The following THOC2 variants were observed in gnomAD, a reference collection of about 807,000 sequenced individuals.
The protein encoded by THOC2 is THO complex subunit 2, also known as THO complex 2.
A neutral mutation model predicts 128.4 loss-of-function variants in THOC2; 10 were observed. The ratio of observed to expected loss-of-function variants is 0.08; its 90% CI spans 0.05 to 0.13. The LOEUF (loss-of-function observed/expected upper bound fraction) is 0.13, where lower values mean the gene tolerates loss of function less well. Among genes scored for constraint, THOC2 ranks in the 10% least tolerant of loss-of-function variants. The pLI, the probability that THOC2 is intolerant of heterozygous loss-of-function variation, is 1.00. For synonymous variants in THOC2, 393 were observed against 396.9 expected (o/e 0.99, Z 0.12); for missense variants, 535 against 1,155.7 (o/e 0.46, Z 7.79).
Position 123,623,187 on chromosome X carries a change from C to T in THOC2, c.3600G>A (p.Val1200=), listed in dbSNP as rs1283737171. ...DPPPRNAVAS[V]QNGPGGGPSS... is the part of the protein sequence containing the mutation. ...AAGGCCCACCACCAGGCCCATTTTG[C>T]ACACTGGCAACTGCATTCCTCGGAG... is the stretch of plus-strand genomic sequence containing the variant. Residue 1200 remains valine, a synonymous_variant, in exon 29 of 39, where the codon GTG becomes GTA. Coordinates refer to ENST00000245838, the MANE Select transcript of THOC2 (RefSeq NM_001081550.2). 1 of 1,211,280 alleles carries T rather than the reference C, an allele frequency of 8.3e-7. No individual in the cohort carries two copies. Among genetic ancestry groups the T allele is most frequent in the South Asian group, 1.8e-5 (1 of 56,836 alleles).
intron 12 of THOC2, among the ~76,000 whole-genome samples, chrX:123,662,274 C>T (rs1226274940): frequency 9.0e-6 from 1 of 110,708 alleles, no homozygotes; most frequent in African/African-American, 3.3e-5. Context: ...TTTCTTAGAG[C>T]ATGAAAAGCA....
In THOC2 at chrX:123,667,275, G is replaced by A. The variant is rs2049084829; in HGVS notation, c.1021C>T (p.Pro341Ser). 1 of 1,191,682 alleles carries A rather than the reference G, an allele frequency of 8.4e-7. No homozygotes were observed. Among genetic ancestry groups the A allele is most frequent in the African/African-American group, 1.8e-5 (1 of 56,989 alleles). Reference protein sequence around the residue: ...EKEEEKVEKPPDNQKLGLLEA... With the variant: ...EKEEEKVEKPSDNQKLGLLEA... ...AACAAGCCAAGTTTTTGGTTATCAGGTGGCTAAAAATGAATAGTCAAAACT... is the reference window on the plus strand; with the variant it reads ...AACAAGCCAAGTTTTTGGTTATCAGATGGCTAAAAATGAATAGTCAAAACT... The change falls in exon 11 of 39, where the codon CCT becomes TCT. Residue 341 changes from proline to serine, a missense_variant. Transcript: ENST00000245838.
intron 4 of THOC2, among the ~76,000 whole-genome samples, chrX:123,702,181 T>A (rs191681191): frequency 1.0e-3 from 111 of 111,280 alleles, no homozygotes; most frequent in African/African-American, 3.5e-3. Context: ...ACACCTATAA[T>A]CCCAGCATTT....
In THOC2 at chrX:123,623,202, A is replaced by G; in HGVS notation, c.3585T>C (p.Asn1195=). Residue 1195 remains asparagine, a synonymous_variant, in exon 29 of 39, where the codon AAT becomes AAC. Transcript: ENST00000245838. ...GCCCATTTTGCACACTGGCAACTGC[A>G]TTCCTCGGAGGGGGGTCTTTGTGAT... ...EFHHKDPPPR[N]AVASVQNGPG... The G allele has an allele frequency of 8.3e-7, 1 of 1,211,198 alleles. No homozygotes were observed. Among genetic ancestry groups the G allele is most frequent in the South Asian group, 1.8e-5 (1 of 56,807 alleles).
chrX:123,663,531 A>G (rs2048922138), intron 12 of THOC2, among the ~76,000 whole-genome samples: 1 of 83,253 alleles, frequency 1.2e-5, no homozygotes, highest in African/African-American at 5.0e-5. Context: ...CTCAAAGCTG[A>G]TTTTTTTAAA....
intron 22 of THOC2, among the ~76,000 whole-genome samples, chrX:123,630,540 G>A (rs1462540542): frequency 9.7e-6 from 1 of 103,355 alleles, no homozygotes; most frequent in African/African-American, 3.6e-5. Context: ...TTGAACCCGG[G>A]AGGTGGAAGT....
At chrX:123,695,823 A>G (rs1056496618) in intron 7 of THOC2, among the ~76,000 whole-genome samples, 198 bp downstream of exon 7, 2 of 111,336 alleles carry the variant, frequency 1.8e-5, no homozygotes, top group Non-Finnish European at 3.8e-5. Flanking sequence ...TATAGTGACA[A>G]TAAGATTTCT....
chrX:123,713,477 A>C (rs1356936340), intron 1 of THOC2, among the ~76,000 whole-genome samples: 1 of 94,073 alleles, frequency 1.1e-5, no homozygotes, highest in Non-Finnish European at 2.1e-5. Flanking sequence ...CTGTCTCTAC[A>C]AAAAAAAAAA....
intron 21 of THOC2, 61 bp from the exon 22 acceptor site, chrX:123,631,913 A>G (rs2047497902): frequency 9.6e-7 from 1 of 1,045,756 alleles, no homozygotes; most frequent in African/African-American, 1.9e-5. Context: ...AAGTCATTTT[A>G]GGAATATTTT....
In THOC2 at chrX:123,686,682, C is replaced by G; in HGVS notation, c.634G>C (p.Asp212His). The G allele has an allele frequency of 8.3e-7, 1 of 1,198,108 alleles. No homozygotes were observed. Among genetic ancestry groups the G allele is most frequent in the Non-Finnish European group, 1.1e-6 (1 of 888,600 alleles). The change falls in exon 8 of 39, where the codon GAT becomes CAT. Residue 212 changes from aspartate to histidine, a missense_variant. Around this residue, in one of 9 missense-constraint regions of THOC2, gnomAD observed 197 missense variants for 313.4 expected, o/e 0.63. Coordinates refer to ENST00000245838, the MANE Select transcript of THOC2 (RefSeq NM_001081550.2). Reference sequence around the variant, plus strand: ...CATTCAAACACTTCTAAAATGACATCCAAAACTCTATTGGGATCCAGATTA... The same window carrying G: ...CATTCAAACACTTCTAAAATGACATGCAAAACTCTATTGGGATCCAGATTA... ...CFNLDPNRVL[D>H]VILEVFECRP... is the part of the protein sequence containing the mutation.
intron 7 of THOC2, among the ~76,000 whole-genome samples, chrX:123,688,457 G>A (rs1338235664): frequency 1.8e-5 from 2 of 111,584 alleles, no homozygotes; most frequent in Admixed American, 9.6e-5. Context: ...CAGGCCGGGC[G>A]TGGCAGCTCA....
intron 8 of THOC2, among the ~76,000 whole-genome samples, chrX:123,675,540 G>A (rs2049452469): frequency 9.1e-6 from 1 of 110,043 alleles, no homozygotes; most frequent in Admixed American, 9.7e-5. Flanking sequence ...GTACTTAGGA[G>A]GTTGAGGCAG....
intron 12 of THOC2, among the ~76,000 whole-genome samples, chrX:123,647,440 G>A (rs1054935509): frequency 1.8e-5 from 2 of 110,554 alleles, no homozygotes; most frequent in African/African-American, 6.7e-5. Context: ...GAGAACAAGA[G>A]ACATGCATTC....
chrX:123,621,491 T>C lies in THOC2; in HGVS notation c.3882A>G (p.Val1294=). ...KTPATTPEAR[V]LGKDGKEKPK... ...GTTTTTCTTTACCATCTTTACCAAGTACCCTGGCCTCTGGAGTAGTAGCTG... is the reference window on the plus strand; with the variant it reads ...GTTTTTCTTTACCATCTTTACCAAGCACCCTGGCCTCTGGAGTAGTAGCTG... Residue 1294 remains valine (V), a synonymous_variant, in exon 31 of 39, where the codon GTA becomes GTG. Transcript: ENST00000245838. 1 of 1,209,757 alleles carries C rather than the reference T, an allele frequency of 8.3e-7. No individual in the cohort carries two copies. The highest frequency in any genetic ancestry group is 1.1e-6 in the Non-Finnish European group (1 of 895,038).
At chrX:123,681,920 G>A (rs1348358765) in intron 8 of THOC2, among the ~76,000 whole-genome samples, 2 of 111,793 alleles carry the variant, frequency 1.8e-5, no homozygotes, top group East Asian at 2.8e-4. Flanking sequence ...TTAGACAGGC[G>A]TGGTGGCAGC....
chrX:123,643,972 T>C (rs1396372258), intron 15 of THOC2, among the ~76,000 whole-genome samples: 2 of 112,248 alleles, frequency 1.8e-5, no homozygotes, highest in Non-Finnish European at 3.8e-5. Context: ...AATACAGCAA[T>C]ACAATTAAGC....
intron 15 of THOC2, among the ~76,000 whole-genome samples, chrX:123,641,253 T>C (rs1054699741): frequency 5.3e-5 from 6 of 112,218 alleles, no homozygotes; most frequent in South Asian, 3.7e-4. Context: ...AAACAATTAT[T>C]ACACAGAATC....
chrX:123,676,980 G>A, intron 8 of THOC2, among the ~76,000 whole-genome samples: 1 of 111,318 alleles, frequency 9.0e-6, no homozygotes, highest in Non-Finnish European at 1.9e-5. Context: ...ACTATATCAT[G>A]TATCACTTAA....
Position 123,607,449 on chromosome X carries a change from TTTA to T in THOC2, c.*18+3466_*18+3468del, listed in dbSNP as rs1173918917. ...TACTACCATGCCTAGCTAAGTTTTA[TTTA>T]TTTATTTATTTATTTATTTATTTAT... On this transcript the variant is annotated intron_variant, in intron 38 of 38. Transcript: ENST00000245838. Among the ~76,000 whole-genome samples the T allele has an allele frequency of 5.9e-5, 3 of 50,998 alleles. No homozygotes were observed. The East Asian group carries it at 4.5e-3, about 77-fold the overall frequency. The allele number at this position is 50,998 out of a possible 115,157, so 44.3% of individuals were successfully genotyped here. A position where few individuals can be genotyped will look rare whatever the true frequency, so the allele number is the denominator to read the frequency against.
Sources: allele counts gnomAD v4.1 joint callset (sites outside exome capture counted in the v4.1 genomes callset), GRCh38; gene constraint gnomAD v4.1.1; regional missense constraint gnomAD v4.1.1; transcripts MANE v1.5; gene names NCBI Gene and HGNC (gene_info 2026-07-23, HGNC 2026-07-21).